Variants in FAM184B observed in about 807,000 individuals in gnomAD.
FAM184B encodes protein FAM184B.
FAM184B carries 111 observed loss-of-function variants against 135.9 expected under a neutral mutation model. That is an observed-to-expected ratio of 0.82 (90% confidence interval 0.70 to 0.96). The LOEUF is 0.96. FAM184B is among the 40% of genes least tolerant of loss of function. The probability of loss-of-function intolerance (pLI) is 0.00; values close to 1 mark genes in which losing one functional copy is unlikely to be tolerated. For missense variants in FAM184B, 1,375 were observed against 1,323.9 expected, an observed-to-expected ratio of 1.04 and a Z score of -0.60; for synonymous variants, 552 against 524.8, an observed-to-expected ratio of 1.05 and a Z score of -0.71.
At chr4:17,721,018 G>A (rs1035655239) in intron 1 of FAM184B, among the ~76,000 whole-genome samples, 17 of 151,758 alleles carry the variant, frequency 1.1e-4, no homozygotes, top group African/African-American at 3.1e-4. Flanking sequence ...GAAAAAGTTC[G>A]TCTGCAGAGT....
chr4:17,748,588 C>T (rs547725910), intron 1 of FAM184B, among the ~76,000 whole-genome samples: 1 of 138,352 alleles, frequency 7.2e-6, no homozygotes, highest in African/African-American at 2.7e-5. Flanking sequence ...GTGATCTCGG[C>T]CCACTGTAGC....
intron 1 of FAM184B, among the ~76,000 whole-genome samples, chr4:17,716,969 C>A (rs1404072253): frequency 6.6e-6 from 1 of 152,092 alleles, no homozygotes; most frequent in African/African-American, 2.4e-5. Context: ...GCCACCATAC[C>A]TGGCTAGTTT....
rs182648595 is a variant in FAM184B at position 17,746,431 on chromosome 4, A to T, written c.141+34728T>A. On this transcript the variant is annotated intron_variant, in intron 1 of 17. Transcript: ENST00000265018. ...CAGAAGAGTCCCTTGGGAATGGCTT[A>T]AAAAAGTAGATTCCTTTGGCAGGGC... Among the ~76,000 whole-genome samples, 227 of 152,158 alleles carry T rather than the reference A, an allele frequency of 1.5e-3. 2 individuals are homozygous for T. Among genetic ancestry groups the T allele is most frequent in the African/African-American group, 5.3e-3 (219 of 41,550 alleles).
At chr4:17,633,497 C>T (rs1715026116) in intron 17 of FAM184B, 192 bp downstream of exon 17, 2 of 507,168 alleles carry the variant, frequency 3.9e-6, no homozygotes, top group East Asian at 3.4e-5. Context: ...TTCAGACCTC[C>T]AGGCCAGATG....
chr4:17,766,391 G>A (rs534859041), intron 1 of FAM184B, among the ~76,000 whole-genome samples: 102 of 152,280 alleles, frequency 6.7e-4, no homozygotes, highest in African/African-American at 2.4e-3. Context: ...GGTGCTGATT[G>A]GTGTATTTAT....
chr4:17,736,052 AG>A (rs1717901555), intron 1 of FAM184B, among the ~76,000 whole-genome samples: 1 of 152,174 alleles, frequency 6.6e-6, no homozygotes. Flanking sequence ...AGTACTTCTG[AG>A]GGTTTACAAG....
chr4:17,633,580 T>A, intron 17 of FAM184B, 109 bp downstream of exon 17: 1 of 1,052,016 alleles, frequency 9.5e-7, no homozygotes, highest in Non-Finnish European at 1.3e-6. Context: ...TAATCATCCA[T>A]GAAAAAAGGC....
At chr4:17,766,937 C>A (rs867090445) in intron 1 of FAM184B, among the ~76,000 whole-genome samples, 4 of 152,328 alleles carry the variant, frequency 2.6e-5, no homozygotes, top group Non-Finnish European at 4.4e-5. Flanking sequence ...GGCAGCAGGT[C>A]CCGAGCCCTG....
At chr4:17,775,631 C>T (rs1017349455) in intron 1 of FAM184B, among the ~76,000 whole-genome samples, 5 of 152,172 alleles carry the variant, frequency 3.3e-5, no homozygotes, top group Non-Finnish European at 2.9e-5. Context: ...TTTTTCTGGT[C>T]GGTATAGAAT....
chr4:17,766,712 G>A (rs1342339816), intron 1 of FAM184B, among the ~76,000 whole-genome samples: 1 of 152,252 alleles, frequency 6.6e-6, no homozygotes, highest in Admixed American at 6.5e-5. Flanking sequence ...GATTCTCCAA[G>A]TCCCTACTAG....
chr4:17,713,475 T>G (rs1203624269), intron 1 of FAM184B, among the ~76,000 whole-genome samples: 1 of 152,220 alleles, frequency 6.6e-6, no homozygotes, highest in African/African-American at 2.4e-5. Context: ...AGAATATATC[T>G]GGAAGCTGAA....
rs571571770 is a variant in FAM184B at position 17,733,241 on chromosome 4, G to A, written c.142-23597C>T. Reference sequence around the variant, plus strand: ...CCACAGCCAATATCATACTGAATGGGTAAAAACTGGAAGCATTCCCTTTGA... The same window carrying A: ...CCACAGCCAATATCATACTGAATGGATAAAAACTGGAAGCATTCCCTTTGA... On this transcript the variant is annotated intron_variant, in intron 1 of 17. Transcript: ENST00000265018. Among the ~76,000 whole-genome samples, 1,310 of 152,190 alleles carry A rather than the reference G, an allele frequency of 8.6e-3. 16 individuals carry two copies. The highest frequency in any genetic ancestry group is 0.029 in the African/African-American group (1,207 of 41,490).
At chr4:17,652,005 G>T (rs1160538216) in intron 11 of FAM184B, among the ~76,000 whole-genome samples, 1 of 152,092 alleles carries the variant, frequency 6.6e-6, no homozygotes, top group Non-Finnish European at 1.5e-5. Context: ...TTGAGGCAAT[G>T]CCATGAAACT....
chr4:17,664,667 C>T lies in FAM184B; in HGVS notation c.1597-8G>A. 1 of 1,319,628 alleles carries T rather than the reference C, an allele frequency of 7.6e-7. No homozygotes were observed. Among genetic ancestry groups the T allele is most frequent in the Non-Finnish European group, 1.0e-6 (1 of 990,020 alleles). The allele number at this position is 1,319,628 out of a possible 1,614,324, so 81.7% of individuals were successfully genotyped here. A position where few individuals can be genotyped will look rare whatever the true frequency, so the allele number is the denominator to read the frequency against. ...CAGCTTCAAGCATGGATCCTAAGGCCAAAAAAGAAAAAGAAAAAAAAAAAA... is the reference window on the plus strand; with the variant it reads ...CAGCTTCAAGCATGGATCCTAAGGCTAAAAAAGAAAAAGAAAAAAAAAAAA... On this transcript the variant is annotated splice_region_variant and splice_polypyrimidine_tract_variant and intron_variant, in intron 7 of 17. Coordinates refer to ENST00000265018, the MANE Select transcript of FAM184B (RefSeq NM_015688.2).
intron 7 of FAM184B, among the ~76,000 whole-genome samples, chr4:17,666,305 C>CTTTT (rs71167320): frequency 5.3e-5 from 7 of 131,272 alleles, no homozygotes; most frequent in South Asian, 2.5e-4. Flanking sequence ...CCCTGGAATT[C>CTTTT]TTTTTTTTTT....
intron 11 of FAM184B, among the ~76,000 whole-genome samples, chr4:17,649,863 C>CTCAT (rs1715563452): frequency 9.6e-6 from 1 of 104,172 alleles, no homozygotes; most frequent in African/African-American, 2.8e-5. Context: ...CATCCATCCA[C>CTCAT]CCACTCATCC....
In FAM184B at chr4:17,708,092, C is replaced by G. The variant is rs191716906; in HGVS notation, c.895-308G>C. Among the ~76,000 whole-genome samples the G allele has an allele frequency of 4.1e-3, 625 of 152,256 alleles. 2 individuals carry two copies. Among genetic ancestry groups the G allele is most frequent in the African/African-American group, 0.012 (502 of 41,552 alleles). On this transcript the variant is annotated intron_variant, in intron 2 of 17. Coordinates refer to ENST00000265018, the MANE Select transcript of FAM184B (RefSeq NM_015688.2). The stretch of plus-strand genomic sequence containing the variant: ...CTCACATAACTGAATCATCCATGAT[C>G]CTGCTCTCTATAAACACAAAGTCCT...
At chr4:17,661,267 C>T (rs968393965) in intron 8 of FAM184B, among the ~76,000 whole-genome samples, 4 of 152,084 alleles carry the variant, frequency 2.6e-5, no homozygotes, top group Non-Finnish European at 5.9e-5. Context: ...GAACTAACTA[C>T]GGGCTGGGTG....
At chr4:17,745,477 C>T (rs1303220671) in intron 1 of FAM184B, among the ~76,000 whole-genome samples, 2 of 152,222 alleles carry the variant, frequency 1.3e-5, no homozygotes, top group Non-Finnish European at 2.9e-5. Flanking sequence ...CAACACAAAA[C>T]TCCTTGAATG....
Sources: gnomAD v4.1 joint callset for allele counts (sites outside exome capture counted in the v4.1 genomes callset) on GRCh38, gnomAD v4.1.1 for gene constraint, MANE v1.5 for transcripts, NCBI Gene and HGNC (gene_info 2026-07-23, HGNC 2026-07-21) for gene names.